Variants in KCNQ2 observed in about 807,000 individuals in gnomAD.
KCNQ2 encodes the protein potassium voltage-gated channel subfamily Q member 2.
A neutral mutation model predicts 84.8 loss-of-function variants in KCNQ2; 14 were observed. The observed-to-expected ratio is 0.17, with a 90% CI of 0.11 to 0.26. KCNQ2 has a LOEUF of 0.26. Among genes scored for constraint, KCNQ2 ranks in the 10% least tolerant of loss-of-function variants. KCNQ2 has a pLI of 1.00. For missense variants in KCNQ2, 788 were observed against 1,254.0 expected (o/e 0.63, Z 5.61); for synonymous variants, 599 against 554.1 (o/e 1.08, Z -1.14).
At chr20:63,442,821 CCAT>C (rs1415800738) in intron 4 of KCNQ2, among the ~76,000 whole-genome samples, 3 of 53,092 alleles carry the variant, frequency 5.7e-5, no homozygotes, top group Non-Finnish European at 7.8e-5. Flanking sequence ...ACCACCATCA[CCAT>C]CACCATCACC....
intron 7 of KCNQ2, among the ~76,000 whole-genome samples, chr20:63,436,488 AC>A (rs1231440872): frequency 6.6e-6 from 1 of 150,774 alleles, no homozygotes; most frequent in East Asian, 2.0e-4. Flanking sequence ...CTGAGATCGC[AC>A]CACTGCACTC....
Position 63,414,592 on chromosome 20 carries a change from G to A in KCNQ2, c.1525+311C>T, listed in dbSNP as rs1313078225. On this transcript the variant is annotated intron_variant, in intron 13 of 16. Transcript: ENST00000359125. The surrounding 1 kb of genome is among the most constrained non-coding windows in gnomAD (Gnocchi z 6.6). Reference sequence around the variant, plus strand: ...CGGCCCAAGAGCAGCGGGTGCTGGGGCTGAGGCGGGGAATGGGGTGACTAC... The same window carrying A: ...CGGCCCAAGAGCAGCGGGTGCTGGGACTGAGGCGGGGAATGGGGTGACTAC... 6.6e-6 allele frequency among the ~76,000 whole-genome samples: 1 copy of A among 152,088 alleles called. No individual in the cohort carries two copies. The highest frequency in any genetic ancestry group is 1.5e-5 in the Non-Finnish European group (1 of 68,022).
intron 11 of KCNQ2, among the ~76,000 whole-genome samples, chr20:63,421,312 G>A (rs948626931): frequency 5.3e-5 from 8 of 152,184 alleles, no homozygotes; most frequent in East Asian, 1.9e-4. Context: ...AACCGTGCCC[G>A]TTATAATCCA....
At chr20:63,442,686 T>C (rs62208026) in intron 4 of KCNQ2, among the ~76,000 whole-genome samples, 155 bp from the exon 5 acceptor site, 1,091 of 16,670 alleles carry the variant, frequency 0.065, 50 homozygotes, top group Middle Eastern at 0.13. Context: ...ACCACCACCA[T>C]CACCATCACC....
intron 4 of KCNQ2, among the ~76,000 whole-genome samples, chr20:63,443,967 T>C (rs11908643): frequency 0.079 from 12,081 of 152,160 alleles, 763 homozygotes; most frequent in African/African-American, 0.15. Flanking sequence ...CGGGCACAGA[T>C]GTGAAAAGGG....
chr20:63,428,098 G>C (rs1018807876), intron 10 of KCNQ2, among the ~76,000 whole-genome samples: 1 of 152,200 alleles, frequency 6.6e-6, no homozygotes, highest in African/African-American at 2.4e-5. Context: ...GCCCCATTAG[G>C]AGCCATGCAG....
rs57148193 is a variant in KCNQ2 at position 63,402,043 on chromosome 20, A to T, written c.*4601T>A. 9.8e-6 allele frequency: 1 copy of T among 102,336 alleles called. No individual in the cohort carries two copies. The highest frequency in any genetic ancestry group is 1.4e-4 in the South Asian group (1 of 7,034). 6.3% of individuals were successfully genotyped at this position (102,336 alleles called of 1,614,324 possible). On this transcript the variant is annotated 3_prime_UTR_variant, in exon 17 of 17. Coordinates refer to ENST00000359125, the MANE Select transcript of KCNQ2 (RefSeq NM_172107.4). Reference sequence around the variant, plus strand: ...ATGGCAGGTCCAAGCCCTGTGAACCATCCCTCTCACACCACGTCTGCCGGG... The same window carrying T: ...ATGGCAGGTCCAAGCCCTGTGAACCTTCCCTCTCACACCACGTCTGCCGGG...
At chr20:63,417,938 G>A (rs1344938005) in intron 12 of KCNQ2, among the ~76,000 whole-genome samples, 2 of 152,008 alleles carry the variant, frequency 1.3e-5, no homozygotes, top group African/African-American at 2.4e-5. Context: ...CCCTGGCCTC[G>A]GCGCGGCCCT....
rs143295292 is a variant in KCNQ2, at chr20:63,400,797, C to T, written c.*5847G>A. On this transcript the variant is annotated 3_prime_UTR_variant, in exon 17 of 17. Transcript: ENST00000359125. This position sits in a 1 kb window ranked among gnomAD's most constrained non-coding sequence, Gnocchi z 8.7. ...GCTCTGGGCGCCTCAGTGCGAGACC[C>T]CTCCGTGAGACCCCTCCTGCCCTGC... 0.01 allele frequency: 4,125 copies of T among 398,452 alleles called. 45 individuals are homozygous for T. Among genetic ancestry groups the T allele is most frequent in the Non-Finnish European group, 0.015 (3,447 of 225,956 alleles). The allele number at this position is 398,452 out of a possible 1,614,324, so 24.7% of individuals were successfully genotyped here. A position where few individuals can be genotyped will look rare whatever the true frequency, so the allele number is the denominator to read the frequency against.
At chr20:63,463,152 C>T (rs2081998679) in intron 1 of KCNQ2, among the ~76,000 whole-genome samples, 2 of 152,052 alleles carry the variant, frequency 1.3e-5, no homozygotes, top group Non-Finnish European at 2.9e-5. Context: ...CTCCCAGCTA[C>T]TCAGGAGGTC....
In KCNQ2 at chr20:63,414,938, C is replaced by A; in HGVS notation, c.1490G>T (p.Arg497Leu). 1 of 1,612,726 alleles carries A rather than the reference C, an allele frequency of 6.2e-7. No homozygotes were observed. The highest frequency in any genetic ancestry group is 8.5e-7 in the Non-Finnish European group (1 of 1,179,942). Residue 497 changes from arginine to leucine, a missense_variant, in exon 13 of 17, where the codon CGC becomes CTC. Around this residue, in one of 8 missense-constraint regions of KCNQ2, gnomAD observed 202 missense variants for 239.4 expected, o/e 0.84. Transcript: ENST00000359125. The surrounding 1 kb of genome is among the most constrained non-coding windows in gnomAD (Gnocchi z 6.6). ...GDRSRARQAF[R>L]IKGAASRQNS... ...CTGCCGTGACGCGGCACCCTTGATG[C>A]GGAAAGCCTGGCGTGCCCGGCTGCG...
intron 15 of KCNQ2, chr20:63,410,882 C>T (rs1410693432): frequency 2.6e-6 from 1 of 383,212 alleles, no homozygotes; most frequent in Admixed American, 3.1e-5. Flanking sequence ...TATGCTCAGC[C>T]TCCAGGCCTC....
rs2081426089 is a variant in KCNQ2, at chr20:63,446,374, C to T, written c.387+373G>A. 1.2e-5 allele frequency: 4 copies of T among 335,672 alleles called. No homozygotes were observed. The highest frequency in any genetic ancestry group is 2.3e-5 in the Non-Finnish European group (4 of 176,196). 20.8% of individuals were successfully genotyped at this position (335,672 alleles called of 1,614,324 possible). A position where few individuals can be genotyped will look rare whatever the true frequency, so the allele number is the denominator to read the frequency against. On this transcript the variant is annotated intron_variant, in intron 2 of 16. Coordinates refer to ENST00000359125, the MANE Select transcript of KCNQ2 (RefSeq NM_172107.4). The surrounding 1 kb of genome is among the most constrained non-coding windows in gnomAD (Gnocchi z 5.5). ...CCTGGCACAGGGTTGCTGCAAGCGT[C>T]ACAGCCCCCACCCCGACGCCCACGT...
chr20:63,426,924 T>C (rs2080650580), intron 10 of KCNQ2, among the ~76,000 whole-genome samples: 2 of 152,172 alleles, frequency 1.3e-5, no homozygotes, highest in Admixed American at 1.3e-4. Context: ...AATTTCATCA[T>C]CTGAAGTCAT....
intron 11 of KCNQ2, among the ~76,000 whole-genome samples, chr20:63,421,341 A>G (rs1303205420): frequency 1.3e-5 from 2 of 152,220 alleles, no homozygotes; most frequent in Non-Finnish European, 2.9e-5. Flanking sequence ...TAACAGCCAC[A>G]TGTGGCTGGC....
Position 63,462,530 on chromosome 20 carries a change from C to T in KCNQ2, c.296+9638G>A, listed in dbSNP as rs116821485. Among the ~76,000 whole-genome samples the T allele has an allele frequency of 2.3e-3, 353 of 152,342 alleles. 2 individuals are homozygous for T. The highest frequency in any genetic ancestry group is 8.2e-3 in the African/African-American group (340 of 41,562). On this transcript the variant is annotated intron_variant, in intron 1 of 16. Coordinates refer to ENST00000359125, the MANE Select transcript of KCNQ2 (RefSeq NM_172107.4). The stretch of plus-strand genomic sequence containing the variant: ...CAGAGCCTCCTCTCCCTGCACACAC[C>T]TTCTGTCTCCAGCCTGGACGGGTTT...
Position 63,422,028 on chromosome 20 carries a change from C to T in KCNQ2, c.1247+2149G>A, listed in dbSNP as rs575066476. ...GGGGTCTCAGCAGTGAGTGAGGGTC[C>T]CTGTGTCCACACCATCCACCTGCCA... On this transcript the variant is annotated intron_variant, in intron 11 of 16. Transcript: ENST00000359125. Among the ~76,000 whole-genome samples, 18 of 152,208 alleles carry T rather than the reference C, an allele frequency of 1.2e-4. No homozygotes were observed. The South Asian group carries it at 3.7e-3, about 32-fold the overall frequency.
In KCNQ2 at chr20:63,400,976, C is replaced by T. The variant is rs942898737; in HGVS notation, c.*5668G>A. 21 of 397,466 alleles carry T rather than the reference C, an allele frequency of 5.3e-5. No homozygotes were observed. The highest frequency in any genetic ancestry group is 7.5e-5 in the Non-Finnish European group (17 of 225,644). The allele number at this position is 397,466 out of a possible 1,614,324, so 24.6% of individuals were successfully genotyped here. A position where few individuals can be genotyped will look rare whatever the true frequency, so the allele number is the denominator to read the frequency against. ...AGGCAACGACTTTGTAAAACCCAGGCGGAGTTGGCGTGTGGCGATGGCGAT... is the reference window on the plus strand; with the variant it reads ...AGGCAACGACTTTGTAAAACCCAGGTGGAGTTGGCGTGTGGCGATGGCGAT... On this transcript the variant is annotated 3_prime_UTR_variant, in exon 17 of 17. Coordinates refer to ENST00000359125, the MANE Select transcript of KCNQ2 (RefSeq NM_172107.4). The surrounding 1 kb of genome is among the most constrained non-coding windows in gnomAD (Gnocchi z 8.7).
intron 7 of KCNQ2, among the ~76,000 whole-genome samples, chr20:63,437,878 C>G (rs558794955): frequency 6.6e-6 from 1 of 152,154 alleles, no homozygotes; most frequent in Non-Finnish European, 1.5e-5. Context: ...GGCGTGATCT[C>G]GGCTCACTGC....
Sources: allele counts gnomAD v4.1 joint callset (sites outside exome capture counted in the v4.1 genomes callset), GRCh38; gene constraint gnomAD v4.1.1; regional missense constraint gnomAD v4.1.1; non-coding constraint Gnocchi (gnomAD v3.1); transcripts MANE v1.5; gene names NCBI Gene and HGNC (gene_info 2026-07-23, HGNC 2026-07-21).